SPIDR: variants seen among roughly 807,000 people sequenced by gnomAD.
SPIDR encodes DNA repair-scaffolding protein.
SPIDR carries 93 observed loss-of-function variants against 104.6 expected under a neutral mutation model. The observed-to-expected ratio is 0.89, with a 90% CI of 0.75 to 1.06. The LOEUF is 1.06. SPIDR is among the 50% of genes least tolerant of loss of function. The probability of loss-of-function intolerance (pLI) is 0.00; values close to 1 mark genes in which losing one functional copy is unlikely to be tolerated. For missense variants in SPIDR, 1,154 were observed against 1,111.2 expected (o/e 1.04, Z -0.55); for synonymous variants, 431 against 416.9 (o/e 1.03, Z -0.41).
At chr8:47,285,286 T>A (rs1253083955) in intron 3 of SPIDR, among the ~76,000 whole-genome samples, 1 of 152,208 alleles carries the variant, frequency 6.6e-6, no homozygotes, top group African/African-American at 2.4e-5. Context: ...AGAGGTTCTA[T>A]GCAAATGAAA....
chr8:47,376,979 G>A (rs1554642838), intron 5 of SPIDR, among the ~76,000 whole-genome samples: 1 of 152,062 alleles, frequency 6.6e-6, no homozygotes, highest in Non-Finnish European at 1.5e-5. Flanking sequence ...GGCTGCCGTC[G>A]CATTACAGTG....
Position 47,261,107 on chromosome 8 carries a change from G to A in SPIDR, c.33+116G>A, listed in dbSNP as rs566638363. On this transcript the variant is annotated intron_variant, in intron 1 of 19. Transcript: ENST00000297423. The stretch of plus-strand genomic sequence containing the variant: ...GTGAGAGAGGGTGGGCGTTGGGGGT[G>A]AAGGGCTAGGTGGTGGCGGGTCCCG... The A allele has an allele frequency of 8.0e-6, 9 of 1,128,298 alleles. No homozygotes were observed. In the East Asian group the frequency reaches 2.7e-4, roughly 34 times the overall value. The allele number at this position is 1,128,298 out of a possible 1,614,324, so 69.9% of individuals were successfully genotyped here.
chr8:47,279,755 A>G, intron 1 of SPIDR, 107 bp from the exon 2 acceptor site: 1 of 1,125,134 alleles, frequency 8.9e-7, no homozygotes, highest in Non-Finnish European at 1.3e-6. Context: ...ACCTTTACTG[A>G]TGCCACTTCT....
At chr8:47,607,727 T>C (rs1429635216) in intron 10 of SPIDR, among the ~76,000 whole-genome samples, 1 of 151,998 alleles carries the variant, frequency 6.6e-6, no homozygotes, top group Non-Finnish European at 1.5e-5. Context: ...GTCTTACTAC[T>C]GCTTATTTTA....
intron 5 of SPIDR, among the ~76,000 whole-genome samples, chr8:47,297,384 T>G (rs1401152995): frequency 6.6e-6 from 1 of 152,216 alleles, no homozygotes; most frequent in Non-Finnish European, 1.5e-5. Context: ...AATATATTCC[T>G]TCTATACATA....
intron 5 of SPIDR, among the ~76,000 whole-genome samples, chr8:47,382,633 G>T (rs1395404310): frequency 6.6e-6 from 1 of 152,096 alleles, no homozygotes; most frequent in Non-Finnish European, 1.5e-5. Context: ...GGATGGTCTC[G>T]ATCTCTTGAC....
rs540776084 is a variant in SPIDR at position 47,384,498 on chromosome 8, C to T, written c.526-11878C>T. On this transcript the variant is annotated intron_variant, in intron 5 of 19. Coordinates refer to ENST00000297423, the MANE Select transcript of SPIDR (RefSeq NM_001080394.4). ...AACTGGTATCCGCAGGCTGTAGTGCCCTTATACCATGTTTAAAAACATTTT... is the reference window on the plus strand; with the variant it reads ...AACTGGTATCCGCAGGCTGTAGTGCTCTTATACCATGTTTAAAAACATTTT... Among the ~76,000 whole-genome samples, 5 of 152,132 alleles carry T rather than the reference C, an allele frequency of 3.3e-5. No individual in the cohort carries two copies. In the South Asian group the frequency reaches 1.0e-3, roughly 32 times the overall value.
At chr8:47,541,302 T>C (rs1455594782) in intron 8 of SPIDR, among the ~76,000 whole-genome samples, 1 of 152,264 alleles carries the variant, frequency 6.6e-6, no homozygotes, top group Non-Finnish European at 1.5e-5. Context: ...AACTTGCTCA[T>C]GTCTATACCA....
At chr8:47,467,438 A>T (rs1321170844) in intron 8 of SPIDR, among the ~76,000 whole-genome samples, 1 of 152,216 alleles carries the variant, frequency 6.6e-6, no homozygotes, top group African/African-American at 2.4e-5. Context: ...AATATTTTTG[A>T]TAAACATCAA....
At chr8:47,332,011 T>A (rs868967970) in intron 5 of SPIDR, among the ~76,000 whole-genome samples, 21 of 106,252 alleles carry the variant, frequency 2.0e-4, no homozygotes, top group South Asian at 7.2e-4. Flanking sequence ...TTTTTTTTTT[T>A]ATTATACTCT....
chr8:47,385,983 T>G (rs2059859091), intron 5 of SPIDR, among the ~76,000 whole-genome samples: 1 of 152,160 alleles, frequency 6.6e-6, no homozygotes, highest in Non-Finnish European at 1.5e-5. Context: ...ATATTTTGTT[T>G]TAGTTCTTTA....
In SPIDR at chr8:47,329,441, C is replaced by T. The variant is rs540266907; in HGVS notation, c.525+35411C>T. On this transcript the variant is annotated intron_variant, in intron 5 of 19. Coordinates refer to ENST00000297423, the MANE Select transcript of SPIDR (RefSeq NM_001080394.4). ...CAGGCTGGTCTCTAACTCCTAGCCT[C>T]AAGTGGTCTGTCCACCTTGGCCTCG... is the stretch of plus-strand genomic sequence containing the variant. Among the ~76,000 whole-genome samples the T allele has an allele frequency of 6.6e-5, 10 of 152,242 alleles. No homozygotes were observed. The East Asian group carries it at 1.9e-3, about 29-fold the overall frequency.
intron 11 of SPIDR, among the ~76,000 whole-genome samples, chr8:47,695,502 C>T (rs1428089314): frequency 6.6e-6 from 1 of 152,118 alleles, no homozygotes; most frequent in Admixed American, 6.5e-5. Context: ...AGAGCAAATT[C>T]CACTCTATCC....
intron 8 of SPIDR, among the ~76,000 whole-genome samples, chr8:47,592,817 C>G (rs1300218479): frequency 1.3e-5 from 2 of 151,996 alleles, no homozygotes; most frequent in East Asian, 1.9e-4. Context: ...TTGTATGTAC[C>G]TGTATTATTT....
chr8:47,550,053 T>A (rs906918820), intron 8 of SPIDR, among the ~76,000 whole-genome samples: 2 of 152,216 alleles, frequency 1.3e-5, no homozygotes, highest in Non-Finnish European at 2.9e-5. Context: ...TTTTGTCAGA[T>A]TTGTCAAAGA....
At chr8:47,476,531 G>A (rs1237686378) in intron 8 of SPIDR, among the ~76,000 whole-genome samples, 2 of 151,870 alleles carry the variant, frequency 1.3e-5, no homozygotes, top group South Asian at 2.1e-4. Flanking sequence ...ACAGTTCCCC[G>A]CAGGTGGCCT....
At position 47,651,562 on chromosome 8, in the gene SPIDR, T is replaced by C. The variant is rs577864006; in HGVS notation, c.1545-22239T>C. Among the ~76,000 whole-genome samples the C allele has an allele frequency of 1.2e-4, 18 of 152,260 alleles. No individual in the cohort carries two copies. The South Asian group carries it at 3.7e-3, about 32-fold the overall frequency. Reference sequence around the variant, plus strand: ...TGGAGATTCCTTAAAGAGCTAAAAGTAGATCTGCCATTTGATTCAACATTT... The same window carrying C: ...TGGAGATTCCTTAAAGAGCTAAAAGCAGATCTGCCATTTGATTCAACATTT... On this transcript the variant is annotated intron_variant, in intron 10 of 19. Coordinates refer to ENST00000297423, the MANE Select transcript of SPIDR (RefSeq NM_001080394.4).
chr8:47,418,586 G>C (rs374728603), intron 7 of SPIDR, among the ~76,000 whole-genome samples: 14 of 152,194 alleles, frequency 9.2e-5, no homozygotes, highest in South Asian at 8.3e-4. Context: ...TTGACTTCCT[G>C]TTTTCCTAGT....
chr8:47,307,646 C>T (rs1247391445), intron 5 of SPIDR, among the ~76,000 whole-genome samples: 2 of 142,126 alleles, frequency 1.4e-5, no homozygotes, highest in African/African-American at 5.3e-5. Context: ...TCAAGCGATT[C>T]TCATGCCTCA....
Sources: allele counts gnomAD v4.1 joint callset (sites outside exome capture counted in the v4.1 genomes callset), GRCh38; gene constraint gnomAD v4.1.1; transcripts MANE v1.5; gene names NCBI Gene and HGNC (gene_info 2026-07-23, HGNC 2026-07-21).